SLC19A3: variants seen among roughly 807,000 people sequenced by gnomAD.
The protein encoded by SLC19A3 is solute carrier family 19 member 3, also known as thiamine transporter 2.
A neutral mutation model predicts 40.2 loss-of-function variants in SLC19A3; 31 were observed. The observed-to-expected ratio is 0.77, with a 90% CI of 0.58 to 1.04. The LOEUF (loss-of-function observed/expected upper bound fraction) is 1.04, where lower values mean the gene tolerates loss of function less well. Among genes scored for constraint, SLC19A3 ranks in the 50% least tolerant of loss-of-function variants. The pLI, the probability that SLC19A3 is intolerant of heterozygous loss-of-function variation, is 0.00. For synonymous variants in SLC19A3, 212 were observed against 227.5 expected, an observed-to-expected ratio of 0.93 and a Z score of 0.61; for missense variants, 592 against 596.7, an observed-to-expected ratio of 0.99 and a Z score of 0.08.
chr2:227,710,460 C>A (rs1376265706), intron 1 of SLC19A3, among the ~76,000 whole-genome samples: 16 of 152,280 alleles, frequency 1.1e-4, no homozygotes, highest in South Asian at 2.1e-4. Context: ...CTTTGGGAGG[C>A]CGAGACGGGT....
rs1228897463 is a variant in SLC19A3 at position 227,686,151 on chromosome 2, C to G, written c.*1246G>C. ...GGTGAAGTTTGCAGTGAGCCAAGAT[C>G]ACGCCATTGCATTCCAGCCTGGGTG... On this transcript the variant is annotated 3_prime_UTR_variant, in exon 6 of 6. Coordinates refer to ENST00000644224, the MANE Select transcript of SLC19A3 (RefSeq NM_025243.4). The G allele has an allele frequency of 4.5e-6, 2 of 447,082 alleles. No individual in the cohort carries two copies. The highest frequency in any genetic ancestry group is 9.0e-6 in the Non-Finnish European group (2 of 222,594). The allele number at this position is 447,082 out of a possible 1,614,324, so 27.7% of individuals were successfully genotyped here.
chr2:227,694,070 G>C (rs75769234), intron 4 of SLC19A3, among the ~76,000 whole-genome samples: 4,551 of 152,220 alleles, frequency 0.03, 232 homozygotes, highest in African/African-American at 0.1. Flanking sequence ...AGCAATAAAT[G>C]CTGATGAGAA....
chr2:227,701,472 A>G (rs1695685378), intron 2 of SLC19A3: 1 of 164,836 alleles, frequency 6.1e-6, no homozygotes, highest in Non-Finnish European at 1.3e-5. Context: ...AAATACAAAA[A>G]TTAGCCGAGC....
At chr2:227,687,602 A>T in intron 5 of SLC19A3, 29 bp from the exon 6 acceptor site, 1 of 1,605,762 alleles carries the variant, frequency 6.2e-7, no homozygotes, top group Non-Finnish European at 8.5e-7. Context: ...TTAGCCACAT[A>T]TAAAATATGA....
intron 2 of SLC19A3, chr2:227,701,065 C>T: frequency 7.7e-7 from 1 of 1,303,928 alleles, no homozygotes; most frequent in Non-Finnish European, 1.0e-6. Flanking sequence ...TTGCTTCTGA[C>T]CCTGCATCTG....
At chr2:227,700,033 A>G (rs1252690439) in intron 2 of SLC19A3, among the ~76,000 whole-genome samples, 1 of 151,774 alleles carries the variant, frequency 6.6e-6, no homozygotes, top group East Asian at 2.0e-4. Flanking sequence ...ACCCGCCATC[A>G]TGCCTGGCTA....
intron 4 of SLC19A3, chr2:227,695,587 AAG>A (rs1240583399): frequency 1.1e-5 from 4 of 364,164 alleles, no homozygotes. Flanking sequence ...CAGCCTGGGC[AAG>A]AGAGCCAGGC....
At position 227,691,648 on chromosome 2, in the gene SLC19A3, A is replaced by C. The variant is rs373683314; in HGVS notation, c.1173-3341T>G. ...AAGAAAAAAAAAGTCATCTGAAATA[A>C]ATAACTTAATGATGCGTCATAAAGA... is the stretch of plus-strand genomic sequence containing the variant. On this transcript the variant is annotated intron_variant, in intron 4 of 5. Transcript: ENST00000644224. 6.6e-5 allele frequency among the ~76,000 whole-genome samples: 10 copies of C among 152,304 alleles called. No individual in the cohort carries two copies. In the South Asian group the frequency reaches 1.0e-3, roughly 16 times the overall value.
rs1163367768 is a variant in SLC19A3 at position 227,715,426 on chromosome 2, A to ATC, written c.-3+2516_-3+2517insGA. ...TTTTTAGTAAAGATGGGGCTTTGCC[A>ATC]TGTTGGCCAGGCTACTCTTGAACTC... On this transcript the variant is annotated intron_variant, in intron 1 of 5. Transcript: ENST00000644224. Among the ~76,000 whole-genome samples the ATC allele has an allele frequency of 4.6e-5, 7 of 151,300 alleles. No individual in the cohort carries two copies. In the East Asian group the frequency reaches 1.4e-3, roughly 30 times the overall value.
chr2:227,693,329 C>T (rs548517065), intron 4 of SLC19A3, among the ~76,000 whole-genome samples: 23 of 152,248 alleles, frequency 1.5e-4, no homozygotes, highest in African/African-American at 5.5e-4. Flanking sequence ...CTTTGAATTA[C>T]ACTATAGAGC....
intron 2 of SLC19A3, chr2:227,701,058 C>G: frequency 7.7e-7 from 1 of 1,304,090 alleles, no homozygotes. Flanking sequence ...CATTGAGTTG[C>G]TTCTGACCCT....
chr2:227,702,130 T>G, intron 2 of SLC19A3, 39 bp downstream of exon 2: 1 of 1,577,628 alleles, frequency 6.3e-7, no homozygotes, highest in Non-Finnish European at 8.7e-7. Context: ...CCATAAAATT[T>G]AAAAAACCAC....
chr2:227,699,634 C>A, intron 2 of SLC19A3, 70 bp from the exon 3 acceptor site: 1 of 1,270,920 alleles, frequency 7.9e-7, no homozygotes, highest in Non-Finnish European at 1.1e-6. Context: ...GTTTGTATCT[C>A]AAATTCTGCC....
At chr2:227,712,871 T>C (rs1440287921) in intron 1 of SLC19A3, among the ~76,000 whole-genome samples, 1 of 152,072 alleles carries the variant, frequency 6.6e-6, no homozygotes, top group African/African-American at 2.4e-5. Flanking sequence ...AACTTATCTG[T>C]AGTGATGGAA....
At position 227,690,694 on chromosome 2, in the gene SLC19A3, G is replaced by A. The variant is rs547233867; in HGVS notation, c.1173-2387C>T. On this transcript the variant is annotated intron_variant, in intron 4 of 5. Coordinates refer to ENST00000644224, the MANE Select transcript of SLC19A3 (RefSeq NM_025243.4). ...TGCACTCCAGCCTGGGTGACAGACC[G>A]AGACTCCATCTCAAAAAAAAAAAAA... Among the ~76,000 whole-genome samples the A allele has an allele frequency of 1.4e-4, 14 of 98,326 alleles. No individual in the cohort carries two copies. In the East Asian group the frequency reaches 1.9e-3, roughly 13 times the overall value. The allele number at this position is 98,326 out of a possible 152,430, so 64.5% of individuals were successfully genotyped here.
Position 227,687,373 on chromosome 2 carries a change from A to C in SLC19A3, c.*24T>G. 1 of 1,587,506 alleles carries C rather than the reference A, an allele frequency of 6.3e-7. No homozygotes were observed. The highest frequency in any genetic ancestry group is 8.6e-7 in the Non-Finnish European group (1 of 1,164,800). ...TTATTATTGCATAACTTTGAAAGCC[A>C]CTGTTGCGTTTGTTGCGATGAGGTT... On this transcript the variant is annotated 3_prime_UTR_variant, in exon 6 of 6. Transcript: ENST00000644224.
chr2:227,702,253 A>AAAT lies in SLC19A3; in HGVS notation c.63_65dup (p.Leu21dup). 6.2e-7 allele frequency: 1 copy of AAAT among 1,614,072 alleles called. No individual in the cohort carries two copies. On this transcript the variant is annotated inframe_insertion, in exon 2 of 6. Transcript: ENST00000644224. ...AGGGTCTCATCATGGAGAAAAAACC[A>AAAT]AATAAGCAGAGGATCACAGTGGGGT...
intron 1 of SLC19A3, among the ~76,000 whole-genome samples, chr2:227,710,704 A>C (rs530010081): frequency 6.7e-4 from 102 of 152,306 alleles, no homozygotes; most frequent in African/African-American, 2.5e-3. Context: ...TATTAGCATA[A>C]ACACGTTATC....
rs1247439271 is a variant in SLC19A3 at position 227,703,253 on chromosome 2, A to G, written c.-2-933T>C. 1.3e-5 allele frequency among the ~76,000 whole-genome samples: 2 copies of G among 152,220 alleles called. No homozygotes were observed. Among genetic ancestry groups the G allele is most frequent in the Non-Finnish European group, 2.9e-5 (2 of 68,036 alleles). ...GTCAATTGCAGTTTGAAAGCAGACG[A>G]GAGAGAAGGAAAAGCATTCTCATTC... is the stretch of plus-strand genomic sequence containing the variant. On this transcript the variant is annotated intron_variant, in intron 1 of 5. Transcript: ENST00000644224. The surrounding 1 kb of genome is among the most constrained non-coding windows in gnomAD (Gnocchi z 4.7).
Sources: gnomAD v4.1 joint callset for allele counts (sites outside exome capture counted in the v4.1 genomes callset) on GRCh38, gnomAD v4.1.1 for gene constraint, Gnocchi (gnomAD v3.1) non-coding constraint, MANE v1.5 for transcripts, NCBI Gene and HGNC (gene_info 2026-07-23, HGNC 2026-07-21) for gene names.